POPDC3: variants seen among roughly 807,000 people sequenced by gnomAD.
POPDC3 encodes popeye domain-containing protein 3.
In POPDC3, 20 loss-of-function variants were observed where a neutral mutation model predicts 28.2. The observed-to-expected ratio is 0.71, with a 90% CI of 0.50 to 1.03. The LOEUF (loss-of-function observed/expected upper bound fraction) is 1.03. Among genes scored for constraint, POPDC3 ranks in the 50% least tolerant of loss-of-function variants. POPDC3 has a pLI of 0.00. For missense variants in POPDC3, 316 were observed against 345.9 expected (o/e 0.91, Z 0.69); for synonymous variants, 118 against 124.1 (o/e 0.95, Z 0.33).
intron 1 of POPDC3, among the ~76,000 whole-genome samples, chr6:105,176,459 A>C (rs2114550398): frequency 6.6e-6 from 1 of 152,370 alleles, no homozygotes; most frequent in East Asian, 1.9e-4. Context: ...TTAGTTTTTC[A>C]CACAGGGACT....
In POPDC3 at chr6:105,161,504, C is replaced by CCA. The variant is rs1304335361; in HGVS notation, c.404_405dup (p.Val136TrpfsTer31). 1.2e-6 allele frequency: 2 copies of CCA among 1,614,038 alleles called. No homozygotes were observed. The highest frequency in any genetic ancestry group is 2.7e-5 in the African/African-American group (2 of 74,908). On this transcript the variant is annotated frameshift_variant, in exon 2 of 4. Transcript: ENST00000254765. LOFTEE classifies it high-confidence loss of function. ...TAACAGTGTTCCTTTTCCAAAGTAA[C>CCA]CACTTCAGAGCTCAAAGCAATCGTT... is the stretch of plus-strand genomic sequence containing the variant.
rs1277568802 is a variant in POPDC3 at position 105,173,866 on chromosome 6, AAC to A, written c.-252+5965_-252+5966del. On this transcript the variant is annotated intron_variant, in intron 1 of 3. Transcript: ENST00000254765. ...AAGCATTCATAATGGGAAAAAAAAA[AAC>A]CCTGAAATTAAGAACAACAGATTAT... Among the ~76,000 whole-genome samples the A allele has an allele frequency of 5.4e-3, 815 of 151,792 alleles. 7 individuals are homozygous for A. Among genetic ancestry groups the A allele is most frequent in the African/African-American group, 0.019 (778 of 41,308 alleles).
chr6:105,165,350 G>A lies in POPDC3; in HGVS notation c.-251-3190C>T, dbSNP rs80314300. On this transcript the variant is annotated intron_variant, in intron 1 of 3. Coordinates refer to ENST00000254765, the MANE Select transcript of POPDC3 (RefSeq NM_022361.5). ...AATACTGCTGGAGACACAGAGAGCC[G>A]CTCATGAATAATTTGCTGTATTATT... is the stretch of plus-strand genomic sequence containing the variant. Among the ~76,000 whole-genome samples the A allele has an allele frequency of 1.2e-4, 19 of 152,256 alleles. No individual in the cohort carries two copies. The East Asian group carries it at 2.7e-3, about 22-fold the overall frequency.
chr6:105,160,031 C>A, intron 2 of POPDC3: 1 of 353,032 alleles, frequency 2.8e-6, no homozygotes, highest in East Asian at 4.7e-5. Flanking sequence ...AGTCAGGATT[C>A]TGGAATATTG....
chr6:105,160,468 C>G (rs930008511), intron 2 of POPDC3, among the ~76,000 whole-genome samples: 2 of 151,860 alleles, frequency 1.3e-5, no homozygotes, highest in Non-Finnish European at 2.9e-5. Context: ...CTAGCCTCGG[C>G]CTCCCAAAGT....
chr6:105,166,932 G>GTA (rs1316083611), intron 1 of POPDC3, among the ~76,000 whole-genome samples: 1 of 151,166 alleles, frequency 6.6e-6, no homozygotes, highest in African/African-American at 2.4e-5. Flanking sequence ...TTGTGTGTGT[G>GTA]TATATATATA....
chr6:105,172,828 T>C (rs549334100), intron 1 of POPDC3, among the ~76,000 whole-genome samples: 144 of 138,200 alleles, frequency 1.0e-3, no homozygotes, highest in African/African-American at 3.7e-3. Flanking sequence ...TAGGTGGGAA[T>C]TGAACAATGA....
rs1275188479 is a variant in POPDC3, at chr6:105,161,929, TCA to T, written c.-22_-21del. On this transcript the variant is annotated 5_prime_UTR_variant, in exon 2 of 4. Coordinates refer to ENST00000254765, the MANE Select transcript of POPDC3 (RefSeq NM_022361.5). ...TTCCATGGCTGTATTACTGCCTGCTTCACTTTTCAGTTGACTTTAGATGACAC... is the reference window on the plus strand; with the variant it reads ...TTCCATGGCTGTATTACTGCCTGCTTCTTTTCAGTTGACTTTAGATGACAC... 6.4e-7 allele frequency: 1 copy of T among 1,565,140 alleles called. No homozygotes were observed. Among genetic ancestry groups the T allele is most frequent in the East Asian group, 2.2e-5 (1 of 44,582 alleles).
At chr6:105,170,638 G>T (rs1236200260) in intron 1 of POPDC3, among the ~76,000 whole-genome samples, 1 of 152,058 alleles carries the variant, frequency 6.6e-6, no homozygotes, top group Non-Finnish European at 1.5e-5. Flanking sequence ...GCACTTCTAC[G>T]CCACTTTAAT....
intron 1 of POPDC3, among the ~76,000 whole-genome samples, 185 bp downstream of exon 1, chr6:105,179,648 G>A (rs569854532): frequency 6.6e-6 from 1 of 152,250 alleles, no homozygotes; most frequent in African/African-American, 2.4e-5. Context: ...CCAGGGCGCG[G>A]AGTTGACCGG....
chr6:105,169,869 C>T (rs1774540355), intron 1 of POPDC3: 1 of 152,220 alleles, frequency 6.6e-6, no homozygotes, highest in African/African-American at 2.4e-5. Flanking sequence ...ATGCCAGTGT[C>T]TGCTCTCTTT....
chr6:105,174,050 A>G (rs964932831), intron 1 of POPDC3, among the ~76,000 whole-genome samples: 12 of 152,094 alleles, frequency 7.9e-5, no homozygotes, highest in African/African-American at 2.9e-4. Flanking sequence ...CAAGGAAGAA[A>G]TTTTTTCTTA....
At chr6:105,166,608 G>A (rs1230266112) in intron 1 of POPDC3, 12 of 470,954 alleles carry the variant, frequency 2.5e-5, no homozygotes, top group Non-Finnish European at 4.8e-5. Context: ...GTGAAAAGAC[G>A]TTTTCCTTCC....
intron 2 of POPDC3, among the ~76,000 whole-genome samples, chr6:105,161,017 T>C (rs1187683353): frequency 6.6e-6 from 1 of 152,220 alleles, no homozygotes; most frequent in African/African-American, 2.4e-5. Context: ...AAAAAGATAA[T>C]AATAAAATTT....
chr6:105,172,872 A>T (rs1021904327), intron 1 of POPDC3, among the ~76,000 whole-genome samples: 1 of 112,890 alleles, frequency 8.9e-6, no homozygotes, highest in Non-Finnish European at 1.7e-5. Flanking sequence ...AACATCACAC[A>T]CTGGGGCCTG....
At position 105,178,177 on chromosome 6, in the gene POPDC3, A is replaced by C. The variant is rs571444266; in HGVS notation, c.-252+1656T>G. The stretch of plus-strand genomic sequence containing the variant: ...TTACAGACTTTCAGATCTATCATGG[A>C]TATTTCCAAAGCAGTTTTGAAATTT... On this transcript the variant is annotated intron_variant, in intron 1 of 3. Coordinates refer to ENST00000254765, the MANE Select transcript of POPDC3 (RefSeq NM_022361.5). 8.5e-5 allele frequency among the ~76,000 whole-genome samples: 13 copies of C among 152,300 alleles called. No homozygotes were observed. In the South Asian group the frequency reaches 2.7e-3, roughly 32 times the overall value.
intron 1 of POPDC3, chr6:105,166,462 CAGGT>C: frequency 3.2e-6 from 1 of 314,680 alleles, no homozygotes; most frequent in South Asian, 2.1e-5. Flanking sequence ...AAGGAGGTGA[CAGGT>C]GGGGGTGGGG....
chr6:105,159,724 T>C lies in POPDC3; in HGVS notation c.581A>G (p.Glu194Gly), dbSNP rs1201309690. 6.2e-7 allele frequency: 1 copy of C among 1,609,110 alleles called. No homozygotes were observed. ...PEWDSLRPTE[E>G]GIFQVTLTAE... ...GGTATCCCTTACCTGAAAAATGCCT[T>C]CCTCTGTGGGTCTCAGTGAATCCCA... Residue 194 changes from glutamate (E) to glycine (G), a missense_variant, in exon 3 of 4, where the codon GAA becomes GGA. Coordinates refer to ENST00000254765, the MANE Select transcript of POPDC3 (RefSeq NM_022361.5).
chr6:105,169,279 G>GAATC (rs1222950249), intron 1 of POPDC3: 1 of 152,134 alleles, frequency 6.6e-6, no homozygotes, highest in African/African-American at 2.4e-5. Context: ...AATCAGCTGA[G>GAATC]AATCATTCCT....
Sources: gnomAD v4.1 joint callset for allele counts (sites outside exome capture counted in the v4.1 genomes callset) on GRCh38, gnomAD v4.1.1 for gene constraint, MANE v1.5 for transcripts, NCBI Gene and HGNC (gene_info 2026-07-23, HGNC 2026-07-21) for gene names.